LBH: variants seen among roughly 807,000 people sequenced by gnomAD.
The protein encoded by LBH is protein LBH.
A neutral mutation model predicts 12.5 loss-of-function variants in LBH; 7 were observed. The observed-to-expected ratio is 0.56, with a 90% CI of 0.32 to 1.05. The LOEUF is 1.05. Among genes scored for constraint, LBH ranks in the 50% least tolerant of loss-of-function variants. LBH has a pLI of 0.04. For synonymous variants in LBH, 51 were observed against 50.1 expected (o/e 1.02, Z -0.08); for missense variants, 119 against 138.9 (o/e 0.86, Z 0.72).
intron 2 of LBH, among the ~76,000 whole-genome samples, chr2:30,237,172 G>A (rs1677702631): frequency 6.6e-6 from 1 of 152,228 alleles, no homozygotes; most frequent in African/African-American, 2.4e-5. Flanking sequence ...GATAATAATA[G>A]TACGTGGCTT....
At chr2:30,241,426 C>T (rs190433319) in intron 2 of LBH, among the ~76,000 whole-genome samples, 15 of 150,128 alleles carry the variant, frequency 1.0e-4, no homozygotes, top group African/African-American at 3.7e-4. Context: ...AACATATGCT[C>T]ATTATGGAAT....
intron 2 of LBH, among the ~76,000 whole-genome samples, chr2:30,251,713 A>G (rs1250623699): frequency 6.6e-6 from 1 of 151,832 alleles, no homozygotes; most frequent in East Asian, 1.9e-4. Context: ...AAAGGTGGCT[A>G]AAATTTTTAT....
chr2:30,238,484 A>G (rs1370533876), intron 2 of LBH, among the ~76,000 whole-genome samples: 2 of 152,154 alleles, frequency 1.3e-5, no homozygotes, highest in African/African-American at 4.8e-5. Flanking sequence ...ACCATTTGAC[A>G]TCCATCTGTC....
At chr2:30,248,366 C>A (rs1007085993) in intron 2 of LBH, among the ~76,000 whole-genome samples, 1 of 152,074 alleles carries the variant, frequency 6.6e-6, no homozygotes, top group Admixed American at 6.5e-5. Flanking sequence ...GCAAGGAAGG[C>A]CTTCGAGATT....
intron 2 of LBH, among the ~76,000 whole-genome samples, chr2:30,250,289 C>G (rs1677956193): frequency 6.6e-6 from 1 of 152,012 alleles, no homozygotes. Flanking sequence ...CACCCCCGGC[C>G]TTCCTCTTTC....
Position 30,259,757 on chromosome 2 carries a change from G to A in LBH, c.*2136G>A, listed in dbSNP as rs1272860551. The A allele has an allele frequency of 6.6e-6, 1 of 152,450 alleles. No individual in the cohort carries two copies. Among genetic ancestry groups the A allele is most frequent in the African/African-American group, 2.4e-5 (1 of 41,382 alleles). 9.4% of individuals were successfully genotyped at this position (152,450 alleles called of 1,614,324 possible). A position where few individuals can be genotyped will look rare whatever the true frequency, so the allele number is the denominator to read the frequency against. On this transcript the variant is annotated 3_prime_UTR_variant, in exon 3 of 3. Transcript: ENST00000395323. The stretch of plus-strand genomic sequence containing the variant: ...TAATGTCAGGACCCTCAGCGGTGGA[G>A]CCTGCTGGGGGGACCCAGCTGCTCT...
chr2:30,248,330 T>A (rs567349078), intron 2 of LBH, among the ~76,000 whole-genome samples: 4 of 152,010 alleles, frequency 2.6e-5, no homozygotes, highest in African/African-American at 9.6e-5. Context: ...GGAATGAAAG[T>A]GGAGTAAAGG....
chr2:30,257,286 T>A, intron 2 of LBH, 147 bp from the exon 3 acceptor site: 1 of 789,400 alleles, frequency 1.3e-6, no homozygotes, highest in Non-Finnish European at 2.0e-6. Context: ...GGCTCCCACC[T>A]TATATACTCC....
At chr2:30,244,285 T>G (rs1057311248) in intron 2 of LBH, among the ~76,000 whole-genome samples, 1 of 152,166 alleles carries the variant, frequency 6.6e-6, no homozygotes, top group African/African-American at 2.4e-5. Flanking sequence ...CCTGACTGTT[T>G]TCATTGGCAG....
intron 2 of LBH, among the ~76,000 whole-genome samples, chr2:30,249,041 T>C (rs907973582): frequency 7.1e-6 from 1 of 140,524 alleles, no homozygotes; most frequent in African/African-American, 3.3e-5. Flanking sequence ...GTAACCCCAG[T>C]CCAGGGGAGA....
chr2:30,245,328 T>G (rs1677853111), intron 2 of LBH, among the ~76,000 whole-genome samples: 2 of 152,228 alleles, frequency 1.3e-5, no homozygotes, highest in Admixed American at 6.5e-5. Flanking sequence ...GTATGTATAT[T>G]TTATTTTAAA....
chr2:30,236,921 T>G (rs746499393), intron 2 of LBH, among the ~76,000 whole-genome samples: 8 of 140,152 alleles, frequency 5.7e-5, no homozygotes, highest in Non-Finnish European at 6.5e-5. Context: ...ACCCCTGGGC[T>G]TGCCCCTGTT....
At chr2:30,232,235 G>C (rs574296150) in intron 1 of LBH, 11 of 911,686 alleles carry the variant, frequency 1.2e-5, no homozygotes, top group East Asian at 2.9e-5. Flanking sequence ...CAGAGCTCCG[G>C]GGGGGTGGGG....
intron 1 of LBH, 42 bp from the exon 2 acceptor site, chr2:30,234,363 A>C: frequency 2.8e-6 from 4 of 1,430,376 alleles, no homozygotes; most frequent in Non-Finnish European, 4.0e-6. Flanking sequence ...GGAATGTGAA[A>C]GCGCGTGTGT....
chr2:30,255,068 A>T (rs114997742), intron 2 of LBH, among the ~76,000 whole-genome samples: 1 of 152,270 alleles, frequency 6.6e-6, no homozygotes, highest in African/African-American at 2.4e-5. Context: ...TGGCTCTGCC[A>T]TGTGACCCAC....
intron 2 of LBH, among the ~76,000 whole-genome samples, chr2:30,237,373 C>G (rs1437212748): frequency 6.6e-6 from 1 of 152,226 alleles, no homozygotes. Flanking sequence ...CCTGATTTCT[C>G]TGTACCAGCT....
chr2:30,231,638 C>A lies in LBH; in HGVS notation c.-101C>A. ...ACGGCGAGCGCCCGGTGTCCGCACT[C>A]GGCCGCCTGCCGTGCCCGTCTGCGC... On this transcript the variant is annotated 5_prime_UTR_variant, in exon 1 of 3. Coordinates refer to ENST00000395323, the MANE Select transcript of LBH (RefSeq NM_030915.4). The A allele has an allele frequency of 8.0e-7, 1 of 1,246,356 alleles. No homozygotes were observed. Among genetic ancestry groups the A allele is most frequent in the Non-Finnish European group, 1.2e-6 (1 of 861,650 alleles). 77.2% of individuals were successfully genotyped at this position (1,246,356 alleles called of 1,614,324 possible).
At position 30,250,423 on chromosome 2, in the gene LBH, G is replaced by A. The variant is rs367865966; in HGVS notation, c.130-7010G>A. 4.8e-4 allele frequency among the ~76,000 whole-genome samples: 73 copies of A among 152,044 alleles called. 1 individual carries two copies. The East Asian group carries it at 0.012, about 25-fold the overall frequency. On this transcript the variant is annotated intron_variant, in intron 2 of 2. Coordinates refer to ENST00000395323, the MANE Select transcript of LBH (RefSeq NM_030915.4). ...TCATCTCCTCTACCTGCTGGTGTCC[G>A]CTTTCCCTATTAGCATCTCTCGGCT...
At chr2:30,250,694 G>A (rs1015850865) in intron 2 of LBH, among the ~76,000 whole-genome samples, 5 of 151,954 alleles carry the variant, frequency 3.3e-5, no homozygotes, top group Admixed American at 2.6e-4. Flanking sequence ...TTGCCTTTCA[G>A]TTCCCCTCCA....
Sources: allele counts gnomAD v4.1 joint callset (sites outside exome capture counted in the v4.1 genomes callset), GRCh38; gene constraint gnomAD v4.1.1; transcripts MANE v1.5; gene names NCBI Gene and HGNC (gene_info 2026-07-23, HGNC 2026-07-21).